RIMS2: variants seen among roughly 807,000 people sequenced by gnomAD.
RIMS2 encodes regulating synaptic membrane exocytosis protein 2.
RIMS2 carries 59 observed loss-of-function variants against 174.4 expected under a neutral mutation model. That is an observed-to-expected ratio of 0.34 (90% CI 0.27 to 0.42). The LOEUF is 0.42. RIMS2 is among the 10% of genes least tolerant of loss of function. The pLI is 1.00. For missense variants in RIMS2, 1,620 were observed against 1,666.3 expected, an observed-to-expected ratio of 0.97 and a Z score of 0.48; for synonymous variants, 606 against 572.5, an observed-to-expected ratio of 1.06 and a Z score of -0.84.
At chr8:103,832,474 A>G (rs970996489) in intron 3 of RIMS2, among the ~76,000 whole-genome samples, 1 of 152,078 alleles carries the variant, frequency 6.6e-6, no homozygotes, top group African/African-American at 2.4e-5. Flanking sequence ...AGATTATTTC[A>G]TCAACTGGGT....
At chr8:103,674,670 G>C (rs1361966576) in intron 1 of RIMS2, among the ~76,000 whole-genome samples, 1 of 151,548 alleles carries the variant, frequency 6.6e-6, no homozygotes, top group Non-Finnish European at 1.5e-5. Flanking sequence ...ATATCTAGTA[G>C]TTATAATTAC....
intron 1 of RIMS2, among the ~76,000 whole-genome samples, chr8:103,593,443 A>G (rs963973067): frequency 6.6e-6 from 1 of 151,538 alleles, no homozygotes; most frequent in Non-Finnish European, 1.5e-5. Flanking sequence ...GTTTTTGCAT[A>G]CAGTTAACCT....
chr8:104,098,525 G>A (rs1479783520), intron 19 of RIMS2, among the ~76,000 whole-genome samples: 1 of 152,084 alleles, frequency 6.6e-6, no homozygotes, highest in Non-Finnish European at 1.5e-5. Context: ...TAAAAATCAA[G>A]AAATTATTTC....
intron 3 of RIMS2, among the ~76,000 whole-genome samples, chr8:103,835,805 T>G (rs1315388689): frequency 6.6e-6 from 1 of 152,258 alleles, no homozygotes; most frequent in Non-Finnish European, 1.5e-5. Flanking sequence ...TGGAACTGTA[T>G]GTCCTAATTA....
intron 3 of RIMS2, among the ~76,000 whole-genome samples, chr8:103,868,056 A>G (rs183757503): frequency 1.2e-3 from 186 of 152,176 alleles, no homozygotes; most frequent in Middle Eastern, 3.4e-3. Flanking sequence ...TGTTCATCAT[A>G]TAGCCAACAT....
At chr8:103,504,209 T>C (rs976257515) in intron 1 of RIMS2, among the ~76,000 whole-genome samples, 1 of 152,156 alleles carries the variant, frequency 6.6e-6, no homozygotes, top group African/African-American at 2.4e-5. Context: ...GAATGATTAA[T>C]GTTTTTAAGT....
intron 2 of RIMS2, 141 bp downstream of exon 4, chr8:103,697,437 G>A: frequency 2.8e-6 from 2 of 718,602 alleles, no homozygotes; most frequent in South Asian, 1.7e-5. Context: ...GGCCAGACAC[G>A]ATGGCTCACG....
chr8:103,555,879 C>T, intron 1 of RIMS2, among the ~76,000 whole-genome samples: 1 of 151,450 alleles, frequency 6.6e-6, no homozygotes, highest in East Asian at 1.9e-4. Flanking sequence ...GAAATCCTAT[C>T]ATATGCAACA....
chr8:104,072,172 A>G (rs2097207774), intron 19 of RIMS2, among the ~76,000 whole-genome samples: 1 of 152,204 alleles, frequency 6.6e-6, no homozygotes, highest in Non-Finnish European at 1.5e-5. Flanking sequence ...TCTGAGGTTC[A>G]TCTTCCTCTG....
At chr8:104,057,736 A>G in intron 19 of RIMS2, among the ~76,000 whole-genome samples, 2 of 99,802 alleles carry the variant, frequency 2.0e-5, no homozygotes, top group African/African-American at 4.0e-5. Flanking sequence ...ACCCCACAAC[A>G]GTCCCCAGAG....
chr8:104,220,950 C>T (rs781070732), intron 19 of RIMS2, among the ~76,000 whole-genome samples: 4 of 152,122 alleles, frequency 2.6e-5, no homozygotes, highest in Non-Finnish European at 5.9e-5. Context: ...ATCTCTCTTC[C>T]TTGATACCTT....
intron 3 of RIMS2, among the ~76,000 whole-genome samples, chr8:103,870,476 C>G (rs368843720): frequency 9.8e-4 from 149 of 152,200 alleles, no homozygotes; most frequent in African/African-American, 3.4e-3. Flanking sequence ...TTCAAGCCCT[C>G]ATACCCATTA....
chr8:103,754,432 A>G (rs2097947968), intron 2 of RIMS2, among the ~76,000 whole-genome samples: 1 of 152,168 alleles, frequency 6.6e-6, no homozygotes, highest in Non-Finnish European at 1.5e-5. Flanking sequence ...ACTTCTGTAG[A>G]TGTCTATTAA....
intron 19 of RIMS2, among the ~76,000 whole-genome samples, chr8:104,132,279 C>CAGA (rs1305305250): frequency 6.6e-6 from 1 of 152,022 alleles, no homozygotes; most frequent in East Asian, 1.9e-4. Context: ...TGGGTCATTT[C>CAGA]AGAATTTGTC....
intron 1 of RIMS2, among the ~76,000 whole-genome samples, chr8:103,619,949 T>C (rs2095597239): frequency 6.6e-6 from 1 of 152,130 alleles, no homozygotes; most frequent in African/African-American, 2.4e-5. Context: ...TGATGCCAAA[T>C]ATTTTAACAT....
intron 2 of RIMS2, among the ~76,000 whole-genome samples, chr8:103,763,300 G>C (rs2098132051): frequency 6.6e-6 from 1 of 152,092 alleles, no homozygotes; most frequent in Non-Finnish European, 1.5e-5. Context: ...AGCTGGCGTG[G>C]TGGCACATGC....
intron 19 of RIMS2, among the ~76,000 whole-genome samples, chr8:104,221,228 T>C (rs1488437099): frequency 6.6e-6 from 1 of 152,180 alleles, no homozygotes; most frequent in Admixed American, 6.5e-5. Context: ...AGAAACACAT[T>C]TTACATCACA....
intron 19 of RIMS2, among the ~76,000 whole-genome samples, chr8:104,176,557 A>G (rs1460358270): frequency 6.6e-6 from 1 of 152,140 alleles, no homozygotes; most frequent in Non-Finnish European, 1.5e-5. Flanking sequence ...GTAACAATAC[A>G]GCATCTTCAT....
At chr8:104,170,401 T>C (rs531367509) in intron 19 of RIMS2, among the ~76,000 whole-genome samples, 1 of 152,214 alleles carries the variant, frequency 6.6e-6, no homozygotes, top group East Asian at 1.9e-4. Context: ...GTTGAACTAA[T>C]CCATTTATCA....
Sources: allele counts gnomAD v4.1 joint callset (sites outside exome capture counted in the v4.1 genomes callset), GRCh38; gene constraint gnomAD v4.1.1; transcripts MANE v1.5; gene names NCBI Gene and HGNC (gene_info 2026-07-23, HGNC 2026-07-21).